SPAG16: variants seen among roughly 807,000 people sequenced by gnomAD.
The protein encoded by SPAG16 is sperm-associated antigen 16 protein.
Under a neutral mutation model 80.4 loss-of-function variants are expected in SPAG16, and 86 were observed. The ratio of observed to expected loss-of-function variants is 1.07; its 90% CI spans 0.90 to 1.28. SPAG16 has a LOEUF of 1.28. Among genes scored for constraint, SPAG16 ranks in the 50% most tolerant of loss-of-function variants. The probability of loss-of-function intolerance (pLI) is 0.00; values close to 1 mark genes in which losing one functional copy is unlikely to be tolerated. For synonymous variants in SPAG16, 294 were observed against 265.9 expected (o/e 1.11, Z -1.03); for missense variants, 870 against 765.3 (o/e 1.14, Z -1.61).
chr2:213,530,870 A>G (rs1429609466), intron 10 of SPAG16, among the ~76,000 whole-genome samples: 1 of 151,960 alleles, frequency 6.6e-6, no homozygotes, highest in African/African-American at 2.4e-5. Context: ...GATTTTATGT[A>G]CCAATCATGT....
intron 9 of SPAG16, among the ~76,000 whole-genome samples, chr2:213,437,135 G>A (rs113311112): frequency 0.02 from 3,080 of 152,168 alleles, 44 homozygotes; most frequent in Middle Eastern, 0.051. Context: ...TCCTGACCTC[G>A]TGATCTGCCC....
At chr2:213,334,518 C>T (rs1465623092) in intron 5 of SPAG16, among the ~76,000 whole-genome samples, 1 of 152,126 alleles carries the variant, frequency 6.6e-6, no homozygotes, top group East Asian at 1.9e-4. Context: ...ATGTTTGTTG[C>T]AGCACTGTTC....
At chr2:213,524,032 C>T (rs75936545) in intron 10 of SPAG16, among the ~76,000 whole-genome samples, 3,213 of 152,254 alleles carry the variant, frequency 0.021, 123 homozygotes, top group African/African-American at 0.072. Context: ...TTCTTAGCAG[C>T]CCCTCTCATC....
At chr2:213,960,152 C>T (rs1220455728) in intron 12 of SPAG16, among the ~76,000 whole-genome samples, 1 of 152,096 alleles carries the variant, frequency 6.6e-6, no homozygotes, top group Non-Finnish European at 1.5e-5. Flanking sequence ...CTCAAATATG[C>T]CTTTGAATCC....
intron 10 of SPAG16, among the ~76,000 whole-genome samples, chr2:213,500,425 G>A (rs1302482463): frequency 2.0e-5 from 3 of 152,096 alleles, no homozygotes; most frequent in Non-Finnish European, 2.9e-5. Context: ...GGGTCATATC[G>A]CTAAAACTTG....
At chr2:213,595,477 G>A (rs920456350) in intron 10 of SPAG16, among the ~76,000 whole-genome samples, 5 of 152,068 alleles carry the variant, frequency 3.3e-5, no homozygotes, top group Admixed American at 1.3e-4. Context: ...TATATCAAAC[G>A]ACATATTCTG....
chr2:213,341,533 GT>G (rs2124966260), intron 6 of SPAG16, among the ~76,000 whole-genome samples: 1 of 151,954 alleles, frequency 6.6e-6, no homozygotes, highest in South Asian at 2.1e-4. Flanking sequence ...TTTGTTTGTT[GT>G]TTTGTTTTGC....
At chr2:213,429,807 A>G (rs991011450) in intron 9 of SPAG16, among the ~76,000 whole-genome samples, 5 of 152,218 alleles carry the variant, frequency 3.3e-5, no homozygotes, top group African/African-American at 1.2e-4. Flanking sequence ...CTCAGTATAC[A>G]TCATAGACAC....
Position 213,860,458 on chromosome 2 carries a change from TA to T in SPAG16, c.1071-2026del, listed in dbSNP as rs1451598525. Among the ~76,000 whole-genome samples the T allele has an allele frequency of 8.4e-4, 99 of 118,520 alleles. 1 individual carries two copies. The highest frequency in any genetic ancestry group is 1.2e-3 in the Non-Finnish European group (68 of 54,582). The allele number at this position is 118,520 out of a possible 152,430, so 77.8% of individuals were successfully genotyped here. The stretch of plus-strand genomic sequence containing the variant: ...ATATTTATAGATATATGTATATATA[TA>T]CAGATATATCTATCTATATATATAT... On this transcript the variant is annotated intron_variant, in intron 10 of 15. Transcript: ENST00000331683.
intron 10 of SPAG16, among the ~76,000 whole-genome samples, chr2:213,720,457 C>T (rs1387455919): frequency 8.4e-6 from 1 of 118,556 alleles, no homozygotes; most frequent in Non-Finnish European, 1.8e-5. Flanking sequence ...GAAACCCCAT[C>T]TCTACTAAAA....
chr2:214,249,357 A>C (rs989781546), intron 15 of SPAG16, among the ~76,000 whole-genome samples: 6 of 152,144 alleles, frequency 3.9e-5, no homozygotes, highest in African/African-American at 1.4e-4. Flanking sequence ...GACATTTTTC[A>C]GCATAAAAGT....
chr2:213,797,696 A>G (rs1237037274), intron 10 of SPAG16, among the ~76,000 whole-genome samples: 2 of 152,204 alleles, frequency 1.3e-5, no homozygotes, highest in African/African-American at 4.8e-5. Context: ...ATGGCTGTGT[A>G]CCACATTTTG....
At chr2:213,718,813 C>T (rs566576892) in intron 10 of SPAG16, among the ~76,000 whole-genome samples, 3 of 152,302 alleles carry the variant, frequency 2.0e-5, no homozygotes, top group South Asian at 4.1e-4. Context: ...GCCTCCCCGA[C>T]GAGCACCACC....
intron 15 of SPAG16, among the ~76,000 whole-genome samples, chr2:214,173,603 A>T (rs2056961601): frequency 1.3e-5 from 2 of 151,988 alleles, no homozygotes; most frequent in South Asian, 4.1e-4. Context: ...AACCAAAAAG[A>T]GTCCAGGACC....
chr2:213,774,629 A>G (rs2069457744), intron 10 of SPAG16, among the ~76,000 whole-genome samples: 1 of 152,224 alleles, frequency 6.6e-6, no homozygotes, highest in Non-Finnish European at 1.5e-5. Flanking sequence ...CAGTTCCTAA[A>G]AGAGTTCTGG....
intron 15 of SPAG16, among the ~76,000 whole-genome samples, chr2:214,372,632 G>A (rs1699893298): frequency 6.6e-6 from 1 of 152,172 alleles, no homozygotes; most frequent in South Asian, 2.1e-4. Flanking sequence ...GCCTGGAGAG[G>A]ATTACATGGA....
At chr2:213,615,901 G>C (rs1411652317) in intron 10 of SPAG16, among the ~76,000 whole-genome samples, 2 of 152,044 alleles carry the variant, frequency 1.3e-5, no homozygotes, top group Non-Finnish European at 2.9e-5. Context: ...TTGGGGGTGG[G>C]GGCAAGGGGA....
At chr2:213,739,841 A>G (rs910672380) in intron 10 of SPAG16, among the ~76,000 whole-genome samples, 2 of 152,214 alleles carry the variant, frequency 1.3e-5, no homozygotes, top group Non-Finnish European at 2.9e-5. Flanking sequence ...ACCTCAGGCT[A>G]TCTGCCTGCC....
At chr2:213,997,974 T>A (rs1201526237) in intron 12 of SPAG16, among the ~76,000 whole-genome samples, 1 of 152,180 alleles carries the variant, frequency 6.6e-6, no homozygotes, top group Non-Finnish European at 1.5e-5. Flanking sequence ...AACAAGAGTG[T>A]GAATTAAAGT....
Sources: gnomAD v4.1 joint callset for allele counts (sites outside exome capture counted in the v4.1 genomes callset) on GRCh38, gnomAD v4.1.1 for gene constraint, MANE v1.5 for transcripts, NCBI Gene and HGNC (gene_info 2026-07-23, HGNC 2026-07-21) for gene names.